ALOXE3: variants seen among roughly 807,000 people sequenced by gnomAD.
ALOXE3 encodes the protein hydroperoxide isomerase ALOXE3.
Under a neutral mutation model 87.5 loss-of-function variants are expected in ALOXE3, and 78 were observed. The observed-to-expected ratio is 0.89, with a 90% CI of 0.74 to 1.08. ALOXE3 has a LOEUF of 1.08. ALOXE3 is among the 50% of genes least tolerant of loss of function. The pLI is 0.00. For missense variants in ALOXE3, 946 were observed against 912.4 expected, an observed-to-expected ratio of 1.04 and a Z score of -0.47; for synonymous variants, 363 against 370.8, an observed-to-expected ratio of 0.98 and a Z score of 0.24.
At chr17:8,103,546 C>T (rs1294555723) in intron 14 of ALOXE3, 53 bp from the exon 15 acceptor site, 31 of 1,585,746 alleles carry the variant, frequency 2.0e-5, no homozygotes, top group Non-Finnish European at 2.6e-5. Context: ...GGAGTATCAC[C>T]TCCCTCTTCA....
intron 13 of ALOXE3, among the ~76,000 whole-genome samples, chr17:8,106,426 T>G (rs1000265654): frequency 6.6e-6 from 1 of 152,096 alleles, no homozygotes; most frequent in African/African-American, 2.4e-5. Context: ...ACACCTGTAG[T>G]GTCAGCTACT....
chr17:8,100,547 T>C (rs1978859281), intron 15 of ALOXE3, among the ~76,000 whole-genome samples: 1 of 152,240 alleles, frequency 6.6e-6, no homozygotes, highest in Non-Finnish European at 1.5e-5. Flanking sequence ...TTTATTGTAT[T>C]GTGGTTTTTT....
At chr17:8,117,714 T>C (rs1010141433) in intron 2 of ALOXE3, 130 bp downstream of exon 2, 12 of 1,517,530 alleles carry the variant, frequency 7.9e-6, no homozygotes, top group Admixed American at 4.0e-5. Context: ...GGGACCTCAA[T>C]AGGGAAGGTG....
At position 8,114,550 on chromosome 17, in the gene ALOXE3, T is replaced by C; in HGVS notation, c.614A>G (p.Tyr205Cys). Residue 205 changes from tyrosine (Y) to cysteine (C), a missense_variant, in exon 6 of 16, where the codon TAC becomes TGC. Transcript: ENST00000448843. ...PMKIDIPSLM[Y>C]MEPNVRYSAT... ...TGAGTATCGAACATTGGGCTCCATGTACATCAGGGATGGGATGTCAATTTT... is the reference window on the plus strand; with the variant it reads ...TGAGTATCGAACATTGGGCTCCATGCACATCAGGGATGGGATGTCAATTTT... 1 of 1,613,902 alleles carries C rather than the reference T, an allele frequency of 6.2e-7. No individual in the cohort carries two copies. Among genetic ancestry groups the C allele is most frequent in the African/African-American group, 1.3e-5 (1 of 74,938 alleles).
Position 8,109,198 on chromosome 17 carries a change from AGGCCGTCGTCTC to A in ALOXE3, c.1526_1537del (p.Arg509_Gly512del). 6.2e-7 allele frequency: 1 copy of A among 1,613,766 alleles called. No homozygotes were observed. Among genetic ancestry groups the A allele is most frequent in the Non-Finnish European group, 8.5e-7 (1 of 1,180,020 alleles). On this transcript the variant is annotated inframe_deletion, in exon 12 of 16. Transcript: ENST00000448843. ...CCTCTCAATGGCCGCCCAGATCTTCAGGCCGTCGTCTCGGTAGTGGTAGTTGGGGATAGCCAG... is the reference window on the plus strand; with the variant it reads ...CCTCTCAATGGCCGCCCAGATCTTCAGGTAGTGGTAGTTGGGGATAGCCAG...
intron 12 of ALOXE3, among the ~76,000 whole-genome samples, chr17:8,108,811 G>C (rs1320840376): frequency 1.3e-5 from 2 of 152,126 alleles, no homozygotes; most frequent in African/African-American, 4.8e-5. Flanking sequence ...AGGGGCCTGG[G>C]GGGTGGGCAG....
chr17:8,118,686 C>A, upstream of ALOXE3: 1 of 1,537,332 alleles, frequency 6.5e-7, no homozygotes, highest in Non-Finnish European at 8.7e-7. Context: ...CAGCCTTTGG[C>A]ACGCCCGACC....
chr17:8,110,280 C>T lies in ALOXE3; in HGVS notation c.1117G>A (p.Gly373Arg), dbSNP rs781176362. ...GGCAGGAAGATGGGGCTGTCAGGCC[C>T]GGGGGTCTGGCTGAGCTGCGTCCGA... is the stretch of plus-strand genomic sequence containing the variant. ...PLAIQLSQTP[G>R]PDSPIFLPTD... Residue 373 changes from glycine (G) to arginine (R), a missense_variant, in exon 10 of 16, where the codon GGG becomes AGG. By Grantham distance (125) the Gly-to-Arg change is moderately radical. Coordinates refer to ENST00000448843, the MANE Select transcript of ALOXE3 (RefSeq NM_021628.3). The T allele has an allele frequency of 1.4e-5, 23 of 1,613,970 alleles. No individual in the cohort carries two copies. Among genetic ancestry groups the T allele is most frequent in the Non-Finnish European group, 1.9e-5 (22 of 1,179,872 alleles).
At chr17:8,112,062 G>A in intron 7 of ALOXE3, 31 bp downstream of exon 7, 1 of 1,571,228 alleles carries the variant, frequency 6.4e-7, no homozygotes, top group Non-Finnish European at 8.8e-7. Context: ...ATAAGGTGAG[G>A]GGTAGACATC....
rs545894343 is a variant in ALOXE3, at chr17:8,103,359, G to A, written c.1920C>T (p.Leu640=). 5.6e-6 allele frequency: 9 copies of A among 1,613,936 alleles called. No individual in the cohort carries two copies. Among genetic ancestry groups the A allele is most frequent in the African/African-American group, 1.3e-5 (1 of 74,874 alleles). The change falls in exon 15 of 16, where the codon CTC becomes CTT. Residue 640 remains leucine (L), a synonymous_variant. Coordinates refer to ENST00000448843, the MANE Select transcript of ALOXE3 (RefSeq NM_021628.3). ...PEVNISCNNL[L]LFWLVSQEPK... Reference sequence around the variant, plus strand: ...GTTCTTGGCTAACCAACCAGAAGAGGAGGAGGTTGTTACAGCTGATGTTCA... The same window carrying A: ...GTTCTTGGCTAACCAACCAGAAGAGAAGGAGGTTGTTACAGCTGATGTTCA...
At position 8,110,353 on chromosome 17, in the gene ALOXE3, C is replaced by G. The variant is rs533555282; in HGVS notation, c.1101+32G>C. ...TCCGGGCTGGCGGTTAGCACCTGAG[C>G]CCCCATCCCGGGGCGGCGGCGCCGG... is the stretch of plus-strand genomic sequence containing the variant. On this transcript the variant is annotated intron_variant, in intron 9 of 15. Transcript: ENST00000448843. 111 of 1,606,372 alleles carry G rather than the reference C, an allele frequency of 6.9e-5. No homozygotes were observed. The South Asian group carries it at 1.2e-3, about 17-fold the overall frequency.
In ALOXE3 at chr17:8,103,307, C is replaced by T. The variant is rs2151831159; in HGVS notation, c.1956+16G>A. 6.2e-7 allele frequency: 1 copy of T among 1,613,348 alleles called. No homozygotes were observed. The highest frequency in any genetic ancestry group is 2.2e-5 in the East Asian group (1 of 44,814). ...CCCTAAAGAACCCTACTCCCCTCAA[C>T]ATCCCGTATACACACCTGGTCCTTG... On this transcript the variant is annotated intron_variant, in intron 15 of 15. Transcript: ENST00000448843.
intron 13 of ALOXE3, among the ~76,000 whole-genome samples, chr17:8,107,517 G>T: frequency 6.6e-6 from 1 of 151,246 alleles, no homozygotes; most frequent in Non-Finnish European, 1.5e-5. Context: ...ACTCTGTCTC[G>T]CACCAGGCGA....
Position 8,104,170 on chromosome 17 carries a change from A to C in ALOXE3, c.1730T>G (p.Leu577Arg). The change falls in exon 14 of 16, where the codon CTC (leucine) becomes CGC (arginine). Residue 577 changes from leucine (L) to arginine (R), a missense_variant. Coordinates refer to ENST00000448843, the MANE Select transcript of ALOXE3 (RefSeq NM_021628.3). The part of the protein sequence containing the change: ...LCTPGEMVKF[L>R]TAIIFNCSAQ... ...AGAGCAATTGAAGATGATTGCAGTG[A>C]GGAACTTCACCATCTCTCCTGGGGT... is the stretch of plus-strand genomic sequence containing the variant. 1 of 1,614,018 alleles carries C rather than the reference A, an allele frequency of 6.2e-7. No homozygotes were observed. Among genetic ancestry groups the C allele is most frequent in the Non-Finnish European group, 8.5e-7 (1 of 1,179,994 alleles).
rs1979940819 is a variant in ALOXE3 at position 8,110,288 on chromosome 17, T to C, written c.1109A>G (p.Gln370Arg). Residue 370 changes from glutamine (Q) to arginine (R), a missense_variant, in exon 10 of 16, where the codon CAG becomes CGG. By Grantham distance (43) the Gln-to-Arg change is conservative. Transcript: ENST00000448843. ...GATGGGGCTGTCAGGCCCGGGGGTC[T>C]GGCTGAGCTGCGTCCGAAAGGAACG... The part of the protein sequence containing the change: ...ALVPLAIQLS[Q>R]TPGPDSPIFL... 2 of 1,613,772 alleles carry C rather than the reference T, an allele frequency of 1.2e-6. No homozygotes were observed. Among genetic ancestry groups the C allele is most frequent in the African/African-American group, 2.7e-5 (2 of 74,916 alleles).
intron 6 of ALOXE3, among the ~76,000 whole-genome samples, 184 bp from the exon 7 acceptor site, chr17:8,112,380 C>T (rs1287312162): frequency 6.6e-6 from 1 of 152,174 alleles, no homozygotes; most frequent in African/African-American, 2.4e-5. Context: ...GACCCTGGTT[C>T]ATATGCAGCC....
At chr17:8,118,692 C>A (rs1324102898), upstream of ALOXE3, 8 of 1,537,212 alleles carry the variant, frequency 5.2e-6, no homozygotes, top group African/African-American at 1.1e-4. Flanking sequence ...TTGGCACGCC[C>A]GACCTCATTC....
chr17:8,104,909 C>T (rs1233024539), intron 13 of ALOXE3, among the ~76,000 whole-genome samples: 3 of 152,164 alleles, frequency 2.0e-5, no homozygotes, highest in African/African-American at 7.2e-5. Context: ...TCATCTCATC[C>T]AAGTCCATGG....
intron 13 of ALOXE3, among the ~76,000 whole-genome samples, chr17:8,106,561 G>A (rs919782883): frequency 1.3e-5 from 2 of 152,074 alleles, no homozygotes; most frequent in Non-Finnish European, 2.9e-5. Flanking sequence ...CAAAGAAGTG[G>A]ACAGACCATC....
Sources: allele counts gnomAD v4.1 joint callset (sites outside exome capture counted in the v4.1 genomes callset), GRCh38; gene constraint gnomAD v4.1.1; transcripts MANE v1.5; gene names NCBI Gene and HGNC (gene_info 2026-07-23, HGNC 2026-07-21).